BNC1: variants seen among roughly 807,000 people sequenced by gnomAD.
BNC1 encodes zinc finger protein basonuclin-1.
Under a neutral mutation model 66.5 loss-of-function variants are expected in BNC1, and 8 were observed. The ratio of observed to expected loss-of-function variants is 0.12; its 90% CI spans 0.07 to 0.22. The LOEUF is 0.22. Among genes scored for constraint, BNC1 ranks in the 10% least tolerant of loss-of-function variants. BNC1 has a pLI of 1.00. For missense variants in BNC1, 1,069 were observed against 1,241.3 expected, an observed-to-expected ratio of 0.86 and a Z score of 2.09; for synonymous variants, 454 against 452.6, an observed-to-expected ratio of 1.00 and a Z score of -0.04.
chr15:83,262,328 G>A (rs1314391623), intron 4 of BNC1, among the ~76,000 whole-genome samples: 1 of 152,100 alleles, frequency 6.6e-6, no homozygotes, highest in African/African-American at 2.4e-5. Flanking sequence ...TGGGATTACA[G>A]GGATGAGCCA....
rs796646868 is a variant in BNC1, at chr15:83,269,446, C to T, written c.100-1214G>A. Reference sequence around the variant, plus strand: ...GGAAGTGCGTGTGTGTGTGTGTGTGCGCGCGCATCTGGAGGAGGGATAAAA... The same window carrying T: ...GGAAGTGCGTGTGTGTGTGTGTGTGTGCGCGCATCTGGAGGAGGGATAAAA... On this transcript the variant is annotated intron_variant, in intron 1 of 4. Coordinates refer to ENST00000345382, the MANE Select transcript of BNC1 (RefSeq NM_001717.4). 9.0e-5 allele frequency among the ~76,000 whole-genome samples: 13 copies of T among 144,664 alleles called. No individual in the cohort carries two copies. The East Asian group carries it at 9.7e-4, about 11-fold the overall frequency. 94.9% of individuals were successfully genotyped at this position (144,664 alleles called of 152,430 possible). A position where few individuals can be genotyped will look rare whatever the true frequency, so the allele number is the denominator to read the frequency against.
chr15:83,272,076 G>A (rs984286091), intron 1 of BNC1, among the ~76,000 whole-genome samples: 2 of 152,112 alleles, frequency 1.3e-5, no homozygotes, highest in African/African-American at 4.8e-5. Context: ...ACCAATTATT[G>A]CTACATTCTC....
rs191641929 is a variant in BNC1, at chr15:83,257,386, C to A, written c.*56G>T. The A allele has an allele frequency of 3.5e-3, 5,298 of 1,515,076 alleles. 12 individuals carry two copies. The highest frequency in any genetic ancestry group is 3.9e-3 in the Non-Finnish European group (4,324 of 1,117,894). The allele number at this position is 1,515,076 out of a possible 1,614,324, so 93.9% of individuals were successfully genotyped here. ...GAAACAGAAACATTTCTATGGACTA[C>A]TTTATTCCTGAATTATGAAAAAAGC... On this transcript the variant is annotated 3_prime_UTR_variant, in exon 5 of 5. Coordinates refer to ENST00000345382, the MANE Select transcript of BNC1 (RefSeq NM_001717.4).
At chr15:83,278,229 T>G (rs1208276380) in intron 1 of BNC1, among the ~76,000 whole-genome samples, 1 of 152,228 alleles carries the variant, frequency 6.6e-6, no homozygotes, top group African/African-American at 2.4e-5. Context: ...ACTAATAGTT[T>G]AAGAAAATGA....
intron 1 of BNC1, among the ~76,000 whole-genome samples, chr15:83,278,113 T>C (rs1340415286): frequency 2.6e-5 from 4 of 152,204 alleles, no homozygotes; most frequent in African/African-American, 9.7e-5. Flanking sequence ...GCCCACTAAG[T>C]CCTTTAATGT....
rs1236745164 is a variant in BNC1, at chr15:83,257,554, C to T, written c.2873G>A (p.Cys958Tyr). 2 of 1,613,978 alleles carry T rather than the reference C, an allele frequency of 1.2e-6. No homozygotes were observed. Among genetic ancestry groups the T allele is most frequent in the Non-Finnish European group, 1.7e-6 (2 of 1,180,040 alleles). ...CATGGTGTTGCAGCCTGGTACTTTG[C>T]ATTTGTGGAGCTGCCGGAGGTGCAC... Reference protein sequence around the residue: ...KTVHLRQLHKCKVPGCNTMFS... With the variant: ...KTVHLRQLHKYKVPGCNTMFS... Residue 958 changes from cysteine to tyrosine, a missense_variant, in exon 5 of 5, where the codon TGC becomes TAC. Physicochemically the swap from Cys to Tyr is radical, Grantham distance 194. This residue lies in a region of BNC1 where 657 missense variants were observed against 715.8 expected (regional missense o/e 0.92). Transcript: ENST00000345382.
Position 83,264,555 on chromosome 15 carries a change from G to A in BNC1, c.696C>T (p.Pro232=), listed in dbSNP as rs747294791. The change falls in exon 4 of 5, where the codon CCC becomes CCT. Residue 232 remains proline (P), a synonymous_variant. Transcript: ENST00000345382. ...TCATGTTGCTTATGAGGTTCTCAAA[G>A]GGGTGTATACTGCTGGGGTTTCCTT... is the stretch of plus-strand genomic sequence containing the variant. The part of the protein sequence containing the change: ...VDKGNPSSIH[P]FENLISNMTF... 1 of 1,614,158 alleles carries A rather than the reference G, an allele frequency of 6.2e-7. No individual in the cohort carries two copies. Among genetic ancestry groups the A allele is most frequent in the South Asian group, 1.1e-5 (1 of 91,066 alleles).
At chr15:83,269,066 A>C (rs2038244765) in intron 1 of BNC1, among the ~76,000 whole-genome samples, 1 of 152,198 alleles carries the variant, frequency 6.6e-6, no homozygotes, top group Non-Finnish European at 1.5e-5. Flanking sequence ...TCTACTAAAA[A>C]TACAAAAATT....
chr15:83,263,691 T>C lies in BNC1; in HGVS notation c.1560A>G (p.Glu520=). The C allele has an allele frequency of 1.9e-6, 3 of 1,614,206 alleles. No homozygotes were observed. The highest frequency in any genetic ancestry group is 2.5e-6 in the Non-Finnish European group (3 of 1,180,036). Residue 520 remains glutamate, a synonymous_variant, in exon 4 of 5, where the codon GAA becomes GAG. Coordinates refer to ENST00000345382, the MANE Select transcript of BNC1 (RefSeq NM_001717.4). ...ATGGCATTTCGTTTGAAATGAGCTG[T>C]TCTGGGATTGAAGAGGACAACAGCG... ...SLPLLSSSIP[E]QLISNEMPFD... is the part of the protein sequence containing the mutation.
rs1215026041 is a variant in BNC1 at position 83,256,883 on chromosome 15, CAT to C, written c.*557_*558del. 1 of 153,070 alleles carries C rather than the reference CAT, an allele frequency of 6.5e-6. No individual in the cohort carries two copies. The highest frequency in any genetic ancestry group is 1.5e-5 in the Non-Finnish European group (1 of 68,758). The allele number at this position is 153,070 out of a possible 1,614,324, so 9.5% of individuals were successfully genotyped here. ...ATCCTCTGAGAACTCCCTGGGGTAA[CAT>C]ATGAGACCTCTGGTGCAGGGCTGAG... On this transcript the variant is annotated 3_prime_UTR_variant, in exon 5 of 5. Transcript: ENST00000345382.
intron 3 of BNC1, 110 bp downstream of exon 3, chr15:83,266,726 A>C (rs1369551408): frequency 1.0e-5 from 10 of 975,574 alleles, no homozygotes; most frequent in Non-Finnish European, 1.6e-5. Flanking sequence ...TATTAAAGGG[A>C]AAGATGGCCA....
In BNC1 at chr15:83,258,055, A is replaced by G. The variant is rs1439207054; in HGVS notation, c.2372T>C (p.Phe791Ser). The G allele has an allele frequency of 6.2e-7, 1 of 1,613,590 alleles. No individual in the cohort carries two copies. The highest frequency in any genetic ancestry group is 1.1e-5 in the South Asian group (1 of 91,078). Residue 791 changes from phenylalanine to serine, a missense_variant, in exon 5 of 5, where the codon TTC becomes TCC. Physicochemically the swap from Phe to Ser is radical, Grantham distance 155. Transcript: ENST00000345382. The stretch of plus-strand genomic sequence containing the variant: ...ATCTTTCAGAAGGTAAGCTGCACGG[A>G]AATGATCTTCACTACTCTCCAATGC... ...QEALESSEDH[F>S]RAAYLLKDVA...
At chr15:83,259,840 C>A (rs139010697) in intron 4 of BNC1, among the ~76,000 whole-genome samples, 2 of 152,138 alleles carry the variant, frequency 1.3e-5, no homozygotes, top group African/African-American at 4.8e-5. Flanking sequence ...GGTGCCATGT[C>A]CCCTAAGACC....
chr15:83,284,420 C>T lies in BNC1; in HGVS notation c.99+110G>A, dbSNP rs558284400. 3.4e-5 allele frequency: 23 copies of T among 666,838 alleles called. No homozygotes were observed. In the African/African-American group the frequency reaches 4.1e-4, roughly 12 times the overall value. The allele number at this position is 666,838 out of a possible 1,614,324, so 41.3% of individuals were successfully genotyped here. On this transcript the variant is annotated intron_variant, in intron 1 of 4. Transcript: ENST00000345382. ...GCTGCCGCGCAGGTAGCCAGCTGGCCCTCGGGAGGTGGCCCTCGGGTACCC... is the reference window on the plus strand; with the variant it reads ...GCTGCCGCGCAGGTAGCCAGCTGGCTCTCGGGAGGTGGCCCTCGGGTACCC...
chr15:83,258,540 G>A (rs1430996583), intron 4 of BNC1, among the ~76,000 whole-genome samples: 1 of 152,114 alleles, frequency 6.6e-6, no homozygotes, highest in Non-Finnish European at 1.5e-5. Context: ...TTCCCCCATT[G>A]TAGAAGTCAT....
rs1234410911 is a variant in BNC1, at chr15:83,257,692, A to C, written c.2735T>G (p.Met912Arg). 6 of 1,614,020 alleles carry C rather than the reference A, an allele frequency of 3.7e-6. No individual in the cohort carries two copies. The highest frequency in any genetic ancestry group is 4.2e-6 in the Non-Finnish European group (5 of 1,180,028). The change falls in exon 5 of 5, where the codon ATG (methionine) becomes AGG (arginine). Residue 912 changes from methionine (M) to arginine (R), a missense_variant. Met to Arg is a moderately conservative substitution (Grantham distance 91). Coordinates refer to ENST00000345382, the MANE Select transcript of BNC1 (RefSeq NM_001717.4). Reference sequence around the variant, plus strand: ...AGCAAGGCTCTGGTCAGCCTTCTCCATCAGGACACAGATGGGGTACTCATC... The same window carrying C: ...AGCAAGGCTCTGGTCAGCCTTCTCCCTCAGGACACAGATGGGGTACTCATC... ...GEDEYPICVL[M>R]EKADQSLASL...
intron 4 of BNC1, among the ~76,000 whole-genome samples, chr15:83,258,841 T>C (rs2038112653): frequency 6.6e-6 from 1 of 152,270 alleles, no homozygotes; most frequent in Admixed American, 6.5e-5. Flanking sequence ...AAGTTAAATG[T>C]TATTAAATTT....
At chr15:83,275,657 T>C (rs559848328) in intron 1 of BNC1, among the ~76,000 whole-genome samples, 3 of 152,268 alleles carry the variant, frequency 2.0e-5, no homozygotes, top group East Asian at 1.9e-4. Context: ...GAGTTGGTCA[T>C]GTGCAGACTG....
chr15:83,263,446 A>G lies in BNC1; in HGVS notation c.1805T>C (p.Phe602Ser), dbSNP rs1596590400. 1.2e-6 allele frequency: 2 copies of G among 1,614,190 alleles called. No individual in the cohort carries two copies. Among genetic ancestry groups the G allele is most frequent in the Non-Finnish European group, 1.7e-6 (2 of 1,180,030 alleles). The change falls in exon 4 of 5, where the codon TTC becomes TCC. Residue 602 changes from phenylalanine to serine, a missense_variant. Coordinates refer to ENST00000345382, the MANE Select transcript of BNC1 (RefSeq NM_001717.4). ...ATGGCAGGGCCTCTCCCCTTCAGGG[A>G]AAGGCTTCCCTAAGCCTCCTGACTG... Reference protein sequence around the residue: ...HVQSGGLGKPFPEGERPCHRE... With the variant: ...HVQSGGLGKPSPEGERPCHRE...
Sources: allele counts gnomAD v4.1 joint callset (sites outside exome capture counted in the v4.1 genomes callset), GRCh38; gene constraint gnomAD v4.1.1; regional missense constraint gnomAD v4.1.1; transcripts MANE v1.5; gene names NCBI Gene and HGNC (gene_info 2026-07-23, HGNC 2026-07-21).